TTYH3: variants seen among roughly 807,000 people sequenced by gnomAD.
TTYH3 encodes the protein tweety family member 3.
Under a neutral mutation model 68.2 loss-of-function variants are expected in TTYH3, and 23 were observed. The ratio of observed to expected loss-of-function variants is 0.34; its 90% CI spans 0.24 to 0.48. TTYH3 has a LOEUF of 0.48. Ranked by LOEUF, TTYH3 falls within the 20% of genes least tolerant of loss-of-function variation. The pLI is 0.99. For synonymous variants in TTYH3, 360 were observed against 332.8 expected, an observed-to-expected ratio of 1.08 and a Z score of -0.89; for missense variants, 768 against 727.7, an observed-to-expected ratio of 1.06 and a Z score of -0.64.
At position 2,656,255 on chromosome 7, in the gene TTYH3, G is replaced by A; in HGVS notation, c.1113+71G>A. 3 of 1,556,824 alleles carry A rather than the reference G, an allele frequency of 1.9e-6. No homozygotes were observed. In the South Asian group the frequency reaches 3.4e-5, roughly 18 times the overall value. On this transcript the variant is annotated intron_variant, in intron 10 of 13. Coordinates refer to ENST00000258796, the MANE Select transcript of TTYH3 (RefSeq NM_025250.3). ...GGAACAGGGGAGCAGCTGTTCGGGAGGATGGGGACCCTCAGCAGACAGTGG... is the reference window on the plus strand; with the variant it reads ...GGAACAGGGGAGCAGCTGTTCGGGAAGATGGGGACCCTCAGCAGACAGTGG...
At chr7:2,644,713 C>T (rs1785935622) in intron 1 of TTYH3, among the ~76,000 whole-genome samples, 1 of 152,192 alleles carries the variant, frequency 6.6e-6, no homozygotes, top group Non-Finnish European at 1.5e-5. Flanking sequence ...TGCTGGGCAG[C>T]CGTGGACACA....
chr7:2,647,122 C>G lies in TTYH3; in HGVS notation c.294-20C>G. ...TGTGTGGGTGGGCGGGGCTACATCTCACGGGCCCGCCCTCTCCAGCGCCGG... is the reference window on the plus strand; with the variant it reads ...TGTGTGGGTGGGCGGGGCTACATCTGACGGGCCCGCCCTCTCCAGCGCCGG... On this transcript the variant is annotated intron_variant, in intron 2 of 13. Transcript: ENST00000258796. 6.3e-7 allele frequency: 1 copy of G among 1,580,230 alleles called. No individual in the cohort carries two copies. Among genetic ancestry groups the G allele is most frequent in the Non-Finnish European group, 8.6e-7 (1 of 1,166,386 alleles).
chr7:2,638,617 C>T lies in TTYH3; in HGVS notation c.123+6339C>T, dbSNP rs557290650. On this transcript the variant is annotated intron_variant, in intron 1 of 13. Coordinates refer to ENST00000258796, the MANE Select transcript of TTYH3 (RefSeq NM_025250.3). ...GACAGGGACACAAAGTTGGCCCCGACCCCGGCTCCCACGTGGCCGCTGCTG... is the reference window on the plus strand; with the variant it reads ...GACAGGGACACAAAGTTGGCCCCGATCCCGGCTCCCACGTGGCCGCTGCTG... Among the ~76,000 whole-genome samples, 180 of 152,334 alleles carry T rather than the reference C, an allele frequency of 1.2e-3. 4 individuals carry two copies. In the South Asian group the frequency reaches 0.036, roughly 30 times the overall value.
intron 6 of TTYH3, 117 bp downstream of exon 6, chr7:2,649,756 G>C: frequency 2.1e-6 from 3 of 1,450,792 alleles, no homozygotes; most frequent in Non-Finnish European, 1.9e-6. Context: ...CCCGAGAGCG[G>C]TGGGGACCCA....
chr7:2,656,298 T>TG (rs35213164), intron 10 of TTYH3, 100 bp from the exon 11 acceptor site: 1 of 1,565,582 alleles, frequency 6.4e-7, no homozygotes, highest in Non-Finnish European at 8.7e-7. Flanking sequence ...GCCCTGCCTC[T>TG]GGGGGGCGGT....
At chr7:2,647,779 C>T in intron 4 of TTYH3, 141 bp downstream of exon 4, 2 of 1,086,514 alleles carry the variant, frequency 1.8e-6, no homozygotes, top group Admixed American at 4.5e-5. Flanking sequence ...CAGGCAGTGG[C>T]TGGAGTTCCC....
intron 13 of TTYH3, among the ~76,000 whole-genome samples, chr7:2,660,709 C>T (rs1014842440): frequency 5.3e-5 from 8 of 152,236 alleles, no homozygotes; most frequent in South Asian, 2.1e-4. Flanking sequence ...CTCGGGGACC[C>T]GGGGAGCTCT....
intron 9 of TTYH3, among the ~76,000 whole-genome samples, chr7:2,654,766 C>T (rs1364348798): frequency 6.6e-6 from 1 of 152,112 alleles, no homozygotes; most frequent in East Asian, 1.9e-4. Context: ...GTGTCTTGAT[C>T]TCCTCTTCTT....
chr7:2,654,846 G>A (rs1229350263), intron 9 of TTYH3, among the ~76,000 whole-genome samples: 3 of 152,038 alleles, frequency 2.0e-5, no homozygotes, highest in Admixed American at 6.6e-5. Flanking sequence ...GTGCAGTGGC[G>A]CAATCTCGGC....
chr7:2,647,384 C>G, intron 3 of TTYH3, 34 bp from the exon 4 acceptor site: 1 of 1,460,070 alleles, frequency 6.8e-7, no homozygotes, highest in Non-Finnish European at 9.0e-7. Flanking sequence ...GAGGCGGGCG[C>G]GCTCCCAGCC....
chr7:2,645,201 C>T lies in TTYH3; in HGVS notation c.124-1652C>T, dbSNP rs928906158. On this transcript the variant is annotated intron_variant, in intron 1 of 13. Coordinates refer to ENST00000258796, the MANE Select transcript of TTYH3 (RefSeq NM_025250.3). This position sits in a 1 kb window ranked among gnomAD's most constrained non-coding sequence, Gnocchi z 4.8. ...CGCAGCCCTGTATCAGCTCCCCATC[C>T]CTCCCCCGGCACAGGAAGTGTGTGG... Among the ~76,000 whole-genome samples the T allele has an allele frequency of 1.3e-5, 2 of 152,152 alleles. No individual in the cohort carries two copies. Among genetic ancestry groups the T allele is most frequent in the African/African-American group, 4.8e-5 (2 of 41,434 alleles).
intron 12 of TTYH3, 130 bp downstream of exon 12, chr7:2,658,589 T>A (rs1305958621): frequency 1.7e-6 from 2 of 1,155,644 alleles, no homozygotes; most frequent in Admixed American, 2.7e-5. Flanking sequence ...AGCCCTGGCC[T>A]TGAGTGCCTC....
Position 2,647,016 on chromosome 7 carries a change from T to C in TTYH3, c.287T>C (p.Val96Ala). The C allele has an allele frequency of 1.3e-6, 2 of 1,537,752 alleles. No homozygotes were observed. Among genetic ancestry groups the C allele is most frequent in the Non-Finnish European group, 1.7e-6 (2 of 1,144,070 alleles). Residue 96 changes from valine (V) to alanine (A), a missense_variant, in exon 2 of 14, where the codon GTG becomes GCG. By Grantham distance (64) the Val-to-Ala change is moderately conservative (BLOSUM62 0). Coordinates refer to ENST00000258796, the MANE Select transcript of TTYH3 (RefSeq NM_025250.3). ...TAWCVIIATL[V>A]CSAGIAVGFY... is the part of the protein sequence containing the mutation. ...TGGTGTGTCATCATCGCCACGCTGG[T>C]GTGCAGGTGAGCGCGGTGGGGCGGG...
Position 2,648,067 on chromosome 7 carries a change from G to T in TTYH3, c.722+13G>T. 1 of 1,604,606 alleles carries T rather than the reference G, an allele frequency of 6.2e-7. No homozygotes were observed. The highest frequency in any genetic ancestry group is 8.5e-7 in the Non-Finnish European group (1 of 1,178,004). ...GCATCCTGGTGGGGTGAGTCTGGGGGTGTCGGCCCCCCGTGGGCCCAAAGC... is the reference window on the plus strand; with the variant it reads ...GCATCCTGGTGGGGTGAGTCTGGGGTTGTCGGCCCCCCGTGGGCCCAAAGC... On this transcript the variant is annotated intron_variant, in intron 5 of 13. Coordinates refer to ENST00000258796, the MANE Select transcript of TTYH3 (RefSeq NM_025250.3).
intron 13 of TTYH3, among the ~76,000 whole-genome samples, chr7:2,659,430 G>T (rs1434452051): frequency 6.6e-6 from 1 of 152,200 alleles, no homozygotes; most frequent in Non-Finnish European, 1.5e-5. Context: ...CATTCTCTGT[G>T]CCTTCTGGAC....
intron 1 of TTYH3, among the ~76,000 whole-genome samples, chr7:2,641,835 G>A (rs1785855434): frequency 6.6e-6 from 1 of 152,208 alleles, no homozygotes; most frequent in African/African-American, 2.4e-5. Flanking sequence ...CAGGCCTGGC[G>A]CGTTGGGTGC....
chr7:2,640,740 C>T (rs893812957), intron 1 of TTYH3, among the ~76,000 whole-genome samples: 9 of 152,230 alleles, frequency 5.9e-5, no homozygotes, highest in Admixed American at 2.6e-4. Flanking sequence ...CCGCGGCAGG[C>T]GTGGGGCACA....
intron 1 of TTYH3, among the ~76,000 whole-genome samples, chr7:2,642,140 A>C (rs1562709464): frequency 6.6e-6 from 1 of 152,244 alleles, no homozygotes; most frequent in East Asian, 1.9e-4. Context: ...TCACACCTGT[A>C]ATCCAGCACT....
chr7:2,632,394 G>C (rs1247992200), intron 1 of TTYH3, 116 bp downstream of exon 1: 72 of 1,114,052 alleles, frequency 6.5e-5, no homozygotes, highest in Admixed American at 2.3e-4. Flanking sequence ...CCCCCCTCCA[G>C]GGTCACGGCC....
Sources: gnomAD v4.1 joint callset for allele counts (sites outside exome capture counted in the v4.1 genomes callset) on GRCh38, gnomAD v4.1.1 for gene constraint, Gnocchi (gnomAD v3.1) non-coding constraint, MANE v1.5 for transcripts, NCBI Gene and HGNC (gene_info 2026-07-23, HGNC 2026-07-21) for gene names.